GINS2: variants seen among roughly 807,000 people sequenced by gnomAD.
The protein encoded by GINS2 is GINS complex subunit 2, also known as DNA replication complex GINS protein PSF2.
GINS2 carries 23 observed loss-of-function variants against 21.2 expected under a neutral mutation model. The ratio of observed to expected loss-of-function variants is 1.08; its 90% CI spans 0.78 to 1.53. The LOEUF is 1.53. GINS2 is among the 40% of genes most tolerant of loss of function. The pLI is 0.00. For missense variants in GINS2, 323 were observed against 233.9 expected (o/e 1.38, Z -2.49); for synonymous variants, 118 against 85.6 (o/e 1.38, Z -2.09).
At chr16:85,682,733 C>T (rs981514299) in intron 2 of GINS2, among the ~76,000 whole-genome samples, 6 of 152,170 alleles carry the variant, frequency 3.9e-5, no homozygotes, top group Non-Finnish European at 7.4e-5. Flanking sequence ...CTCACACATG[C>T]TCCAGCTCCC....
At position 85,688,923 on chromosome 16, in the gene GINS2, C is replaced by A; in HGVS notation, c.-25G>T. The A allele has an allele frequency of 1.3e-6, 2 of 1,505,016 alleles. No individual in the cohort carries two copies. Among genetic ancestry groups the A allele is most frequent in the East Asian group, 2.6e-5 (1 of 39,166 alleles). The allele number at this position is 1,505,016 out of a possible 1,614,324, so 93.2% of individuals were successfully genotyped here. On this transcript the variant is annotated 5_prime_UTR_variant, in exon 1 of 5. Transcript: ENST00000253462. ...TGGCGGCGCGAGCTGCAGGCCAGAGCCTCACGGTCTCCTCGGGCCCCTCAG... is the reference window on the plus strand; with the variant it reads ...TGGCGGCGCGAGCTGCAGGCCAGAGACTCACGGTCTCCTCGGGCCCCTCAG...
Position 85,678,681 on chromosome 16 carries a change from G to A in GINS2, c.306-15C>T, listed in dbSNP as rs750121293. The A allele has an allele frequency of 5.6e-6, 9 of 1,611,596 alleles. No homozygotes were observed. The highest frequency in any genetic ancestry group is 1.6e-4 in the Middle Eastern group (1 of 6,076). ...TGTCTGAAGCACTAAAGGAGCAAGGGCTAAAGTCAGTCGGGGAACACTTGA... is the reference window on the plus strand; with the variant it reads ...TGTCTGAAGCACTAAAGGAGCAAGGACTAAAGTCAGTCGGGGAACACTTGA... On this transcript the variant is annotated splice_polypyrimidine_tract_variant and intron_variant, in intron 3 of 4. Coordinates refer to ENST00000253462, the MANE Select transcript of GINS2 (RefSeq NM_016095.3).
intron 3 of GINS2, among the ~76,000 whole-genome samples, chr16:85,680,844 A>T (rs1295573993): frequency 6.6e-6 from 1 of 152,200 alleles, no homozygotes; most frequent in East Asian, 1.9e-4. Context: ...GAAGCAGAGA[A>T]AAGAGCTGTA....
Position 85,685,685 on chromosome 16 carries a change from A to AAAAAAACAAAAAAAAAAAAAAC in GINS2, c.205+1774_205+1775insGTTTTTTTTTTTTTTGTTTTTT. ...GACCCTTTCTCAAAAAAAAAAAAAA[A>AAAAAAACAAAAAAAAAAAAAAC]AAAAAACCGTCTCAAAGCAGAGGAA... On this transcript the variant is annotated intron_variant, in intron 2 of 4. Coordinates refer to ENST00000253462, the MANE Select transcript of GINS2 (RefSeq NM_016095.3). Among the ~76,000 whole-genome samples the AAAAAAACAAAAAAAAAAAAAAC allele has an allele frequency of 1.7e-5, 2 of 120,900 alleles. 1 individual carries two copies. The highest frequency in any genetic ancestry group is 3.9e-5 in the Non-Finnish European group (2 of 51,890). The allele number at this position is 120,900 out of a possible 152,430, so 79.3% of individuals were successfully genotyped here. A position where few individuals can be genotyped will look rare whatever the true frequency, so the allele number is the denominator to read the frequency against.
intron 2 of GINS2, among the ~76,000 whole-genome samples, chr16:85,685,680 A>AAAAAAAAAAAAAAAAAAC (rs2053769717): frequency 6.8e-6 from 1 of 147,246 alleles, no homozygotes; most frequent in African/African-American, 2.6e-5. Flanking sequence ...CAAAAAAAAA[A>AAAAAAAAAAAAAAAAAAC]AAAAAAAAAA....
chr16:85,687,691 A>T lies in GINS2; in HGVS notation c.91-117T>A, dbSNP rs9930592. The T allele has an allele frequency of 3.7e-3, 2,194 of 592,438 alleles. 81 individuals are homozygous for T. In the South Asian group the frequency reaches 0.054, roughly 14 times the overall value. 36.7% of individuals were successfully genotyped at this position (592,438 alleles called of 1,614,324 possible). On this transcript the variant is annotated intron_variant, in intron 1 of 4. Transcript: ENST00000253462. ...TGCAGAGGCTGAAGTCCAAATGCAAATAATAAAAACCCAACTGTTACCAGA... is the reference window on the plus strand; with the variant it reads ...TGCAGAGGCTGAAGTCCAAATGCAATTAATAAAAACCCAACTGTTACCAGA...
chr16:85,684,675 G>A (rs1050498013), intron 2 of GINS2, among the ~76,000 whole-genome samples: 7 of 151,404 alleles, frequency 4.6e-5, no homozygotes, highest in African/African-American at 1.2e-4. Context: ...TCTGTGTCCC[G>A]GTGTTGAGAA....
intron 1 of GINS2, 79 bp from the exon 2 acceptor site, chr16:85,687,653 A>G (rs1468594232): frequency 1.3e-6 from 1 of 774,740 alleles, no homozygotes; most frequent in Non-Finnish European, 2.0e-6. Flanking sequence ...CTATCAAATA[A>G]GAGGCAAGGC....
At chr16:85,687,803 AGT>A (rs2053790843) in intron 1 of GINS2, 2 of 412,202 alleles carry the variant, frequency 4.9e-6, no homozygotes, top group Non-Finnish European at 8.7e-6. Flanking sequence ...ACAGGATGCA[AGT>A]CTCCCCTGAG....
chr16:85,687,064 C>T (rs1004903861), intron 2 of GINS2, among the ~76,000 whole-genome samples: 1 of 152,174 alleles, frequency 6.6e-6, no homozygotes, highest in Admixed American at 6.5e-5. Context: ...TCTACAAAAA[C>T]GCAAAAATTT....
chr16:85,684,692 C>T (rs2053760529), intron 2 of GINS2, among the ~76,000 whole-genome samples: 1 of 151,156 alleles, frequency 6.6e-6, no homozygotes, highest in Non-Finnish European at 1.5e-5. Context: ...AGAACGTAAA[C>T]AGGTAAATCT....
At chr16:85,684,477 G>T (rs764156720) in intron 2 of GINS2, among the ~76,000 whole-genome samples, 2 of 152,126 alleles carry the variant, frequency 1.3e-5, no homozygotes, top group Non-Finnish European at 2.9e-5. Context: ...CTGCAATTCA[G>T]CCTGGGCAAC....
Position 85,678,528 on chromosome 16 carries a change from G to A in GINS2, c.432+12C>T, listed in dbSNP as rs1195562117. The A allele has an allele frequency of 1.9e-6, 3 of 1,611,632 alleles. No individual in the cohort carries two copies. Among genetic ancestry groups the A allele is most frequent in the African/African-American group, 2.7e-5 (2 of 74,892 alleles). The stretch of plus-strand genomic sequence containing the variant: ...ATCAAGGCCACCAGCACCCAGGCAA[G>A]GCGGCACCTACCTTGGCATGTGCCT... On this transcript the variant is annotated intron_variant, in intron 4 of 4. Coordinates refer to ENST00000253462, the MANE Select transcript of GINS2 (RefSeq NM_016095.3).
At chr16:85,682,622 A>T (rs974311936) in intron 2 of GINS2, among the ~76,000 whole-genome samples, 1 of 151,728 alleles carries the variant, frequency 6.6e-6, no homozygotes, top group Non-Finnish European at 1.5e-5. Context: ...CTAGAGGGCT[A>T]AGCCACCCCA....
At chr16:85,685,680 A>ACAAAAACAAAAAAAAAAAAAACAAC (rs201931587) in intron 2 of GINS2, among the ~76,000 whole-genome samples, 1 of 147,140 alleles carries the variant, frequency 6.8e-6, no homozygotes, top group African/African-American at 2.6e-5. Flanking sequence ...CAAAAAAAAA[A>ACAAAAACAAAAAAAAAAAAAACAAC]AAAAAAAAAA....
At chr16:85,685,078 C>A (rs527380760) in intron 2 of GINS2, among the ~76,000 whole-genome samples, 1 of 151,848 alleles carries the variant, frequency 6.6e-6, no homozygotes, top group Non-Finnish European at 1.5e-5. Context: ...CATGAGCCAC[C>A]GCGCCTGGCC....
intron 2 of GINS2, among the ~76,000 whole-genome samples, chr16:85,686,543 C>T (rs1033110874): frequency 1.3e-5 from 2 of 152,146 alleles, no homozygotes; most frequent in African/African-American, 4.8e-5. Context: ...TCCCAATTTT[C>T]ATCATGCCAA....
At chr16:85,684,092 A>G (rs2053755963) in intron 2 of GINS2, among the ~76,000 whole-genome samples, 1 of 152,218 alleles carries the variant, frequency 6.6e-6, no homozygotes, top group Non-Finnish European at 1.5e-5. Context: ...AGTGGCTCAC[A>G]CTTGTAATCC....
rs1487217190 is a variant in GINS2, at chr16:85,688,887, G to T, written c.12C>A (p.Ala4=). The change falls in exon 1 of 5, where the codon GCC becomes GCA. Residue 4 remains alanine (A), a synonymous_variant. Transcript: ENST00000253462. MDA[A]EVEFLAEKEL... ...CCTTCTCGGCGAGGAATTCGACCTC[G>T]GCAGCGTCCATGGCGGCGCGAGCTG... 1.9e-6 allele frequency: 3 copies of T among 1,540,100 alleles called. No individual in the cohort carries two copies. The highest frequency in any genetic ancestry group is 2.6e-6 in the Non-Finnish European group (3 of 1,141,462).
Sources: allele counts gnomAD v4.1 joint callset (sites outside exome capture counted in the v4.1 genomes callset), GRCh38; gene constraint gnomAD v4.1.1; transcripts MANE v1.5; gene names NCBI Gene and HGNC (gene_info 2026-07-23, HGNC 2026-07-21).